Variants in CAMTA1 observed in about 807,000 individuals in gnomAD.
The protein encoded by CAMTA1 is calmodulin-binding transcription activator 1.
In CAMTA1, 27 loss-of-function variants were observed where a neutral mutation model predicts 170.9. The observed-to-expected ratio is 0.16, with a 90% CI of 0.12 to 0.22. CAMTA1 has a LOEUF of 0.22. CAMTA1 is among the 10% of genes least tolerant of loss of function. The pLI, the probability that CAMTA1 is intolerant of heterozygous loss-of-function variation, is 1.00. For synonymous variants in CAMTA1, 833 were observed against 891.5 expected (o/e 0.93, Z 1.17); for missense variants, 1,619 against 2,217.2 (o/e 0.73, Z 5.42).
At chr1:7,102,053 C>G (rs1046306625) in intron 4 of CAMTA1, among the ~76,000 whole-genome samples, 1 of 80,956 alleles carries the variant, frequency 1.2e-5, no homozygotes, top group Non-Finnish European at 3.0e-5. Flanking sequence ...CACACACACA[C>G]ACACACACAC....
intron 5 of CAMTA1, among the ~76,000 whole-genome samples, chr1:7,266,591 A>G (rs1167517407): frequency 6.6e-6 from 1 of 152,234 alleles, no homozygotes; most frequent in East Asian, 1.9e-4. Flanking sequence ...AGCGGGGAAG[A>G]AACAGACAGG....
At chr1:7,312,007 C>T (rs1557494250) in intron 5 of CAMTA1, among the ~76,000 whole-genome samples, 1 of 152,130 alleles carries the variant, frequency 6.6e-6, no homozygotes, top group Non-Finnish European at 1.5e-5. Flanking sequence ...GTGAGATTTT[C>T]CCTCTCCACC....
At chr1:7,315,891 A>G (rs780827709) in intron 5 of CAMTA1, among the ~76,000 whole-genome samples, 2 of 152,158 alleles carry the variant, frequency 1.3e-5, no homozygotes, top group African/African-American at 2.4e-5. Flanking sequence ...ATGCTGCTGT[A>G]AAGACACTAC....
chr1:7,177,233 C>T (rs1197780860), intron 4 of CAMTA1, among the ~76,000 whole-genome samples: 2 of 151,812 alleles, frequency 1.3e-5, no homozygotes, highest in African/African-American at 4.8e-5. Flanking sequence ...GCACCACCCA[C>T]ACACCGAGTC....
chr1:6,924,563 T>C (rs1054861065), intron 3 of CAMTA1, among the ~76,000 whole-genome samples: 1 of 152,234 alleles, frequency 6.6e-6, no homozygotes. Flanking sequence ...TCTGCCTTTC[T>C]GATCTGGGTC....
intron 6 of CAMTA1, among the ~76,000 whole-genome samples, chr1:7,496,413 A>G (rs1398879232): frequency 1.3e-5 from 2 of 152,012 alleles, no homozygotes; most frequent in Non-Finnish European, 2.9e-5. Context: ...GACTGTGGGG[A>G]GGGGCAAGTC....
chr1:7,268,852 T>A (rs1045485515), intron 5 of CAMTA1, among the ~76,000 whole-genome samples: 32 of 152,042 alleles, frequency 2.1e-4, no homozygotes, highest in African/African-American at 6.8e-4. Flanking sequence ...AACATAGATA[T>A]GGAATTAAAA....
chr1:7,630,605 C>G (rs1319217791), intron 6 of CAMTA1, among the ~76,000 whole-genome samples: 1 of 152,246 alleles, frequency 6.6e-6, no homozygotes, highest in East Asian at 1.9e-4. Context: ...CTAATTAAGT[C>G]TCCCAGCCTC....
chr1:7,098,240 T>G (rs1441976345), intron 4 of CAMTA1, among the ~76,000 whole-genome samples: 1 of 152,254 alleles, frequency 6.6e-6, no homozygotes, highest in African/African-American at 2.4e-5. Context: ...TTTGGAACTA[T>G]GCAGGAAAAA....
At chr1:7,661,668 AC>A in intron 7 of CAMTA1, 57 bp from the exon 8 acceptor site, 1 of 1,602,292 alleles carries the variant, frequency 6.2e-7, no homozygotes, top group Non-Finnish European at 8.5e-7. Context: ...CCTTGGCCCC[AC>A]CCAGGTCCCC....
At chr1:7,408,256 G>A (rs1235843493) in intron 5 of CAMTA1, among the ~76,000 whole-genome samples, 1 of 152,242 alleles carries the variant, frequency 6.6e-6, no homozygotes, top group Admixed American at 6.5e-5. Context: ...TGAGAATAGG[G>A]ACCAAGCATG....
At position 7,761,074 on chromosome 1, in the gene CAMTA1, T is replaced by C. The variant is rs532595847; in HGVS notation, c.4990-5385T>C. Among the ~76,000 whole-genome samples the C allele has an allele frequency of 1.7e-4, 26 of 152,338 alleles. No homozygotes were observed. In the South Asian group the frequency reaches 3.1e-3, roughly 18 times the overall value. On this transcript the variant is annotated intron_variant, in intron 22 of 22. Transcript: ENST00000303635. ...GCTGTTGCTTACGACATCACTTCAG[T>C]ACATTACGATGCAACTTTTTGGGAA...
At chr1:6,926,486 T>TTCTTTCTTTCTTTCTC (rs1553188109) in intron 3 of CAMTA1, among the ~76,000 whole-genome samples, 4 of 134,842 alleles carry the variant, frequency 3.0e-5, no homozygotes, top group South Asian at 2.4e-4. Flanking sequence ...CTTTCTTTCT[T>TTCTTTCTTTCTTTCTC]TCTCTCTCTC....
Position 7,310,599 on chromosome 1 carries a change from C to CTTTCTTT in CAMTA1, c.438+60976_438+60977insCTTTTTT, listed in dbSNP as rs1472085975. ...AAGATTTTTCTTTTTCTTTTCTTTT[C>CTTTCTTT]TTTTCTTTCTTTCTTTCTTTCTTTC... is the stretch of plus-strand genomic sequence containing the variant. On this transcript the variant is annotated intron_variant, in intron 5 of 22. Transcript: ENST00000303635. Among the ~76,000 whole-genome samples the CTTTCTTT allele has an allele frequency of 1.5e-3, 146 of 99,846 alleles. 1 individual carries two copies. The highest frequency in any genetic ancestry group is 6.0e-3 in the African/African-American group (142 of 23,662). The allele number at this position is 99,846 out of a possible 152,430, so 65.5% of individuals were successfully genotyped here. A position where few individuals can be genotyped will look rare whatever the true frequency, so the allele number is the denominator to read the frequency against.
chr1:7,076,315 T>G (rs1639298289), intron 3 of CAMTA1, among the ~76,000 whole-genome samples: 2 of 152,180 alleles, frequency 1.3e-5, no homozygotes, highest in Non-Finnish European at 2.9e-5. Context: ...AAAAGCAAGC[T>G]CCCTTTTTAT....
intron 3 of CAMTA1, among the ~76,000 whole-genome samples, chr1:6,988,535 A>C (rs76488737): frequency 0.019 from 2,819 of 152,228 alleles, 40 homozygotes; most frequent in African/African-American, 0.036. Context: ...ATGGATTCTA[A>C]ACTTCTTGTA....
intron 5 of CAMTA1, among the ~76,000 whole-genome samples, chr1:7,283,788 A>G (rs559338875): frequency 2.4e-4 from 37 of 152,206 alleles, no homozygotes; most frequent in Admixed American, 1.8e-3. Context: ...CTCCTTGGTC[A>G]TCATAGCAGC....
At chr1:7,504,541 A>G (rs776997996) in intron 6 of CAMTA1, among the ~76,000 whole-genome samples, 5 of 152,338 alleles carry the variant, frequency 3.3e-5, no homozygotes, top group East Asian at 1.9e-4. Context: ...CTTTCTGCCA[A>G]CTGACTCCAA....
chr1:7,220,811 A>G (rs1310062386), intron 4 of CAMTA1, among the ~76,000 whole-genome samples: 2 of 152,352 alleles, frequency 1.3e-5, no homozygotes, highest in Middle Eastern at 3.4e-3. Flanking sequence ...CACGGGCCCA[A>G]CTTTGGGTTT....
Sources: allele counts gnomAD v4.1 joint callset (sites outside exome capture counted in the v4.1 genomes callset), GRCh38; gene constraint gnomAD v4.1.1; transcripts MANE v1.5; gene names NCBI Gene and HGNC (gene_info 2026-07-23, HGNC 2026-07-21).